The following FRMD4A variants were observed in gnomAD, a reference collection of about 807,000 sequenced individuals.
The protein encoded by FRMD4A is FERM domain-containing protein 4A.
Under a neutral mutation model 129.1 loss-of-function variants are expected in FRMD4A, and 29 were observed. The observed-to-expected ratio is 0.22, with a 90% CI of 0.17 to 0.31. The LOEUF (loss-of-function observed/expected upper bound fraction) is 0.31. FRMD4A is among the 10% of genes least tolerant of loss of function. The pLI is 1.00. For missense variants in FRMD4A, 1,272 were observed against 1,375.8 expected (o/e 0.92, Z 1.19); for synonymous variants, 634 against 571.6 (o/e 1.11, Z -1.56).
chr10:14,016,639 T>C (rs1023812472), intron 2 of FRMD4A, among the ~76,000 whole-genome samples: 2 of 152,112 alleles, frequency 1.3e-5, no homozygotes, highest in Non-Finnish European at 2.9e-5. Context: ...TAACTATGAG[T>C]ACAGAATTAA....
rs74604878 is a variant in FRMD4A at position 13,703,623 on chromosome 10, A to C, written c.837-2145T>G. On this transcript the variant is annotated intron_variant, in intron 13 of 24. Coordinates refer to ENST00000357447, the MANE Select transcript of FRMD4A (RefSeq NM_018027.5). ...GAGCCCGGAACACCAAACTAACGTG[A>C]GGCCAATCACATTCCTCTTCCCTAC... Among the ~76,000 whole-genome samples the C allele has an allele frequency of 9.1e-3, 1,393 of 152,334 alleles. 19 individuals carry two copies. The highest frequency in any genetic ancestry group is 0.031 in the African/African-American group (1,285 of 41,574).
Position 13,976,480 on chromosome 10 carries a change from C to T in FRMD4A, c.46-117568G>A, listed in dbSNP as rs1170585596. Among the ~76,000 whole-genome samples the T allele has an allele frequency of 3.3e-5, 5 of 152,158 alleles. 1 individual carries two copies. Among genetic ancestry groups the T allele is most frequent in the South Asian group, 4.1e-4 (2 of 4,828 alleles). ...CACTGGTTAATCATCTTCCCTATCT[C>T]GGAGTTTCTGTGTTTTCTATCCCGG... On this transcript the variant is annotated intron_variant, in intron 2 of 24. Coordinates refer to ENST00000357447, the MANE Select transcript of FRMD4A (RefSeq NM_018027.5).
chr10:13,782,182 CCCTTTGAAAGATGCTGCTAGA>C (rs2092754135), intron 6 of FRMD4A, among the ~76,000 whole-genome samples: 1 of 152,056 alleles, frequency 6.6e-6, no homozygotes, highest in Non-Finnish European at 1.5e-5. Flanking sequence ...ACAATAGCGT[CCCTTTGAAAGATGCTGCTAGA>C]CCAACTAAAA....
chr10:13,919,792 G>T (rs1306592452), intron 2 of FRMD4A, among the ~76,000 whole-genome samples: 1 of 152,084 alleles, frequency 6.6e-6, no homozygotes, highest in African/African-American at 2.4e-5. Flanking sequence ...ACAAAAATTA[G>T]CCAGGCGTGG....
chr10:14,162,018 TA>T (rs1840913181), intron 2 of FRMD4A, among the ~76,000 whole-genome samples: 1 of 150,738 alleles, frequency 6.6e-6, no homozygotes, highest in Non-Finnish European at 1.5e-5. Flanking sequence ...AAGTTATATA[TA>T]TTAGATATTT....
intron 2 of FRMD4A, among the ~76,000 whole-genome samples, chr10:14,192,447 A>C (rs896394503): frequency 1.3e-5 from 2 of 152,374 alleles, no homozygotes; most frequent in African/African-American, 4.8e-5. Flanking sequence ...CACATAACAA[A>C]ACTCTGCTAA....
intron 2 of FRMD4A, among the ~76,000 whole-genome samples, chr10:14,050,708 A>C (rs1052117709): frequency 6.6e-6 from 1 of 152,144 alleles, no homozygotes; most frequent in Admixed American, 6.5e-5. Flanking sequence ...AACCACGCCT[A>C]TGTAATGAAA....
At chr10:13,651,830 T>C in intron 24 of FRMD4A, 73 bp downstream of exon 24, 1 of 795,186 alleles carries the variant, frequency 1.3e-6, no homozygotes, top group Non-Finnish European at 2.3e-6. Context: ...GTGGAAATGA[T>C]GACATGGACA....
In FRMD4A at chr10:13,679,974, G is replaced by A. The variant is rs56047661; in HGVS notation, c.1118-4930C>T. Reference sequence around the variant, plus strand: ...CTGCTTTCCCACGTCCTCCACAAATGCCCACTAGGCATCCACTGACCCAGC... The same window carrying A: ...CTGCTTTCCCACGTCCTCCACAAATACCCACTAGGCATCCACTGACCCAGC... On this transcript the variant is annotated intron_variant, in intron 15 of 24. Coordinates refer to ENST00000357447, the MANE Select transcript of FRMD4A (RefSeq NM_018027.5). Among the ~76,000 whole-genome samples the A allele has an allele frequency of 4.7e-3, 719 of 152,280 alleles. 3 individuals carry two copies. The highest frequency in any genetic ancestry group is 0.017 in the African/African-American group (688 of 41,548).
chr10:13,652,116 A>T, intron 23 of FRMD4A, 142 bp from the exon 24 acceptor site: 3 of 682,060 alleles, frequency 4.4e-6, no homozygotes, highest in Non-Finnish European at 8.1e-6. Flanking sequence ...AACAGATCAT[A>T]CAAGTCATGC....
In FRMD4A at chr10:13,714,044, A is replaced by ACAT. The variant is rs1316983712; in HGVS notation, c.760-6932_760-6931insATG. On this transcript the variant is annotated intron_variant, in intron 12 of 24. Transcript: ENST00000357447. ...AAAATATACATATATATATATATAT[A>ACAT]TATATATATATATATAAAATATACT... 3.0e-4 allele frequency among the ~76,000 whole-genome samples: 3 copies of ACAT among 9,858 alleles called. 1 individual carries two copies. Among genetic ancestry groups the ACAT allele is most frequent in the African/African-American group, 1.8e-3 (3 of 1,628 alleles). The allele number at this position is 9,858 out of a possible 152,430, so 6.5% of individuals were successfully genotyped here.
chr10:14,320,927 C>T (rs1843021537), intron 2 of FRMD4A, among the ~76,000 whole-genome samples: 1 of 152,262 alleles, frequency 6.6e-6, no homozygotes, highest in South Asian at 2.1e-4. Flanking sequence ...CCCTTCAGTT[C>T]AAATGCAACC....
intron 2 of FRMD4A, among the ~76,000 whole-genome samples, chr10:14,167,637 G>C (rs753361352): frequency 7.3e-5 from 11 of 151,588 alleles, no homozygotes; most frequent in Non-Finnish European, 1.5e-4. Flanking sequence ...GGATAAATAC[G>C]TGGGGGCTTA....
intron 2 of FRMD4A, 42 bp downstream of exon 2, chr10:14,330,016 A>G: frequency 6.5e-7 from 1 of 1,543,756 alleles, no homozygotes; most frequent in Non-Finnish European, 8.8e-7. Context: ...GGGAGGCTGG[A>G]GTGGACGCTG....
At chr10:13,717,010 G>T (rs1033019732) in intron 12 of FRMD4A, among the ~76,000 whole-genome samples, 2 of 152,140 alleles carry the variant, frequency 1.3e-5, no homozygotes, top group East Asian at 3.8e-4. Context: ...GACTGGCTGG[G>T]GTCAGTGGGT....
chr10:14,300,060 C>G (rs1450430921), intron 2 of FRMD4A, among the ~76,000 whole-genome samples: 1 of 151,736 alleles, frequency 6.6e-6, no homozygotes, highest in Non-Finnish European at 1.5e-5. Flanking sequence ...TCTAGTTCCT[C>G]TAGAACTAGA....
chr10:13,991,369 T>C (rs1298078767), intron 2 of FRMD4A, among the ~76,000 whole-genome samples: 5 of 152,220 alleles, frequency 3.3e-5, no homozygotes. Context: ...GCAGCTTGTA[T>C]GAAGGTGGGC....
At chr10:13,972,229 C>A (rs756261248) in intron 2 of FRMD4A, 1 of 1,002,640 alleles carries the variant, frequency 1.0e-6, no homozygotes, top group South Asian at 4.4e-5. Context: ...GGTGAGAAAG[C>A]TAAGAGCAGA....
intron 2 of FRMD4A, among the ~76,000 whole-genome samples, chr10:14,066,006 A>ATT (rs1555029356): frequency 5.5e-4 from 16 of 29,228 alleles, no homozygotes; most frequent in African/African-American, 1.7e-3. Context: ...GGGGGTATGT[A>ATT]TTTGTGTGTG....
Sources: gnomAD v4.1 joint callset for allele counts (sites outside exome capture counted in the v4.1 genomes callset) on GRCh38, gnomAD v4.1.1 for gene constraint, MANE v1.5 for transcripts, NCBI Gene and HGNC (gene_info 2026-07-23, HGNC 2026-07-21) for gene names.